Variants in DOCK5 observed in about 807,000 individuals in gnomAD.
The protein encoded by DOCK5 is dedicator of cytokinesis protein 5.
A neutral mutation model predicts 251.8 loss-of-function variants in DOCK5; 142 were observed. The ratio of observed to expected loss-of-function variants is 0.56; its 90% CI spans 0.49 to 0.65. The LOEUF (loss-of-function observed/expected upper bound fraction) is 0.65. Among genes scored for constraint, DOCK5 ranks in the 30% least tolerant of loss-of-function variants. The pLI, the probability that DOCK5 is intolerant of heterozygous loss-of-function variation, is 0.00. For synonymous variants in DOCK5, 842 were observed against 835.5 expected (o/e 1.01, Z -0.13); for missense variants, 2,111 against 2,312.3 (o/e 0.91, Z 1.79).
chr8:25,292,984 A>G (rs1235905238), intron 6 of DOCK5, among the ~76,000 whole-genome samples: 2 of 152,158 alleles, frequency 1.3e-5, no homozygotes, highest in Admixed American at 1.3e-4. Context: ...ACCTCTACAG[A>G]GTTAATCACT....
At chr8:25,273,024 A>G (rs1296784280) in intron 3 of DOCK5, among the ~76,000 whole-genome samples, 1 of 152,090 alleles carries the variant, frequency 6.6e-6, no homozygotes, top group Non-Finnish European at 1.5e-5. Context: ...CCAACATCCC[A>G]GTTTAGTTCC....
In DOCK5 at chr8:25,308,789, G is replaced by T. The variant is rs376039607; in HGVS notation, c.1056G>T (p.Ala352=). 1.2e-6 allele frequency: 2 copies of T among 1,613,624 alleles called. No homozygotes were observed. Among genetic ancestry groups the T allele is most frequent in the East Asian group, 2.2e-5 (1 of 44,878 alleles). ...KQHFIPFQQI[A]METYIRQRQL... is the part of the protein sequence containing the mutation. Reference sequence around the variant, plus strand: ...CTTATTTCTCTTTCCCAAGAATTGCGATGGAAACCTACATCCGCCAGAGGC... The same window carrying T: ...CTTATTTCTCTTTCCCAAGAATTGCTATGGAAACCTACATCCGCCAGAGGC... Residue 352 remains alanine, a synonymous_variant, in exon 12 of 52, where the codon GCG becomes GCT. Transcript: ENST00000276440.
chr8:25,291,363 A>G (rs1804480766), intron 5 of DOCK5, among the ~76,000 whole-genome samples: 1 of 152,146 alleles, frequency 6.6e-6, no homozygotes, highest in African/African-American at 2.4e-5. Flanking sequence ...AGCTTACTCT[A>G]TGACACGATT....
intron 9 of DOCK5, among the ~76,000 whole-genome samples, 165 bp from the exon 10 acceptor site, chr8:25,302,158 CAT>C (rs1291301376): frequency 6.6e-6 from 1 of 152,152 alleles, no homozygotes; most frequent in Non-Finnish European, 1.5e-5. Flanking sequence ...TTTCTGATGC[CAT>C]AATAGCTCTT....
chr8:25,267,868 T>G (rs894134613), intron 2 of DOCK5, among the ~76,000 whole-genome samples: 2 of 139,714 alleles, frequency 1.4e-5, no homozygotes, highest in East Asian at 2.0e-4. Flanking sequence ...TTATTGGAAT[T>G]TTTTTTTTTT....
chr8:25,200,616 C>T (rs1801858292), intron 1 of DOCK5, among the ~76,000 whole-genome samples: 1 of 150,618 alleles, frequency 6.6e-6, no homozygotes, highest in Non-Finnish European at 1.5e-5. Context: ...AAAGATAAAA[C>T]AGTGGAAGCT....
chr8:25,319,215 G>A (rs888661120), intron 14 of DOCK5, among the ~76,000 whole-genome samples: 4 of 152,168 alleles, frequency 2.6e-5, no homozygotes, highest in African/African-American at 9.7e-5. Flanking sequence ...GCAAATAGCG[G>A]CGCGTCTGCA....
At chr8:25,242,667 C>T (rs1802984792) in intron 1 of DOCK5, among the ~76,000 whole-genome samples, 1 of 152,132 alleles carries the variant, frequency 6.6e-6, no homozygotes, top group South Asian at 2.1e-4. Context: ...ATTGGGTTGT[C>T]TTCTTTTTTT....
At chr8:25,288,916 G>T (rs369205857) in intron 5 of DOCK5, among the ~76,000 whole-genome samples, 24 of 152,334 alleles carry the variant, frequency 1.6e-4, no homozygotes, top group African/African-American at 5.8e-4. Flanking sequence ...GCTAAAAGCA[G>T]TAAATGTAGG....
At chr8:25,269,003 T>C in intron 3 of DOCK5, 118 bp downstream of exon 3, 1 of 835,148 alleles carries the variant, frequency 1.2e-6, no homozygotes, top group Middle Eastern at 2.2e-4. Flanking sequence ...GCTTTCTCTT[T>C]GATGGCTCTT....
chr8:25,270,964 C>A lies in DOCK5; in HGVS notation c.168+2079C>A, dbSNP rs560701692. ...AAATGCTATGTAAGTAGTTATTATACCGTATTGTTTAGGGAATAATGACAA... is the reference window on the plus strand; with the variant it reads ...AAATGCTATGTAAGTAGTTATTATAACGTATTGTTTAGGGAATAATGACAA... On this transcript the variant is annotated intron_variant, in intron 3 of 51. Coordinates refer to ENST00000276440, the MANE Select transcript of DOCK5 (RefSeq NM_024940.8). The A allele has an allele frequency of 7.9e-6, 4 of 509,534 alleles. No individual in the cohort carries two copies. In the Admixed American group the frequency reaches 1.1e-4, roughly 14 times the overall value. The allele number at this position is 509,534 out of a possible 1,614,324, so 31.6% of individuals were successfully genotyped here. A position where few individuals can be genotyped will look rare whatever the true frequency, so the allele number is the denominator to read the frequency against.
intron 27 of DOCK5, among the ~76,000 whole-genome samples, chr8:25,352,244 C>T (rs1586353693): frequency 2.3e-5 from 1 of 43,130 alleles, no homozygotes; most frequent in African/African-American, 9.4e-5. Flanking sequence ...AAGCAGCAAG[C>T]AGGGAGGGAA....
chr8:25,269,430 G>A (rs551390451), intron 3 of DOCK5, among the ~76,000 whole-genome samples: 1 of 152,202 alleles, frequency 6.6e-6, no homozygotes, highest in East Asian at 1.9e-4. Flanking sequence ...AGATGCAATG[G>A]TAAGTACTGT....
At chr8:25,267,290 C>G (rs1342041292) in intron 2 of DOCK5, among the ~76,000 whole-genome samples, 3 of 152,190 alleles carry the variant, frequency 2.0e-5, no homozygotes, top group Non-Finnish European at 4.4e-5. Flanking sequence ...ATGCAAGCCA[C>G]AATTCCACAG....
At chr8:25,243,266 C>T (rs931792618) in intron 1 of DOCK5, among the ~76,000 whole-genome samples, 25 of 151,286 alleles carry the variant, frequency 1.7e-4, no homozygotes, top group Non-Finnish European at 2.9e-4. Context: ...TTACAGTGGG[C>T]AATTCACATG....
At chr8:25,254,773 C>CAAAAAAAAAAAAAAA (rs745860086) in intron 2 of DOCK5, among the ~76,000 whole-genome samples, 1 of 6,560 alleles carries the variant, frequency 1.5e-4, no homozygotes, top group Admixed American at 3.8e-3. Context: ...GACTTTGTCT[C>CAAAAAAAAAAAAAAA]AAAAAAAAAC....
chr8:25,360,410 C>A (rs931947019), intron 28 of DOCK5, among the ~76,000 whole-genome samples: 6 of 151,534 alleles, frequency 4.0e-5, no homozygotes, highest in Non-Finnish European at 8.8e-5. Flanking sequence ...AGACCAGGCG[C>A]AAGAGGCCCA....
At chr8:25,338,766 A>G (rs905829136) in intron 22 of DOCK5, among the ~76,000 whole-genome samples, 16 of 152,234 alleles carry the variant, frequency 1.1e-4, no homozygotes, top group African/African-American at 3.6e-4. Context: ...ATGTATAGTA[A>G]ACCCTGATGT....
intron 30 of DOCK5, 120 bp from the exon 31 acceptor site, chr8:25,366,750 G>T: frequency 1.5e-6 from 1 of 662,368 alleles, no homozygotes; most frequent in East Asian, 2.9e-5. Context: ...AATGTAGATT[G>T]TATTTTGTTC....
Sources: allele counts gnomAD v4.1 joint callset (sites outside exome capture counted in the v4.1 genomes callset), GRCh38; gene constraint gnomAD v4.1.1; transcripts MANE v1.5; gene names NCBI Gene and HGNC (gene_info 2026-07-23, HGNC 2026-07-21).